The following MAN2B2 variants were observed in gnomAD, a reference collection of about 807,000 sequenced individuals.
MAN2B2 encodes epididymis-specific alpha-mannosidase.
In MAN2B2, 106 loss-of-function variants were observed where a neutral mutation model predicts 117.1. That is an observed-to-expected ratio of 0.90 (90% CI 0.77 to 1.06). MAN2B2 has a LOEUF of 1.06. MAN2B2 is among the 50% of genes least tolerant of loss of function. MAN2B2 has a pLI of 0.00. For synonymous variants in MAN2B2, 544 were observed against 595.1 expected, an observed-to-expected ratio of 0.91 and a Z score of 1.25; for missense variants, 1,326 against 1,381.4, an observed-to-expected ratio of 0.96 and a Z score of 0.64.
Position 6,587,151 on chromosome 4 carries a change from G to A in MAN2B2, c.547G>A (p.Ala183Thr). 1 of 1,613,282 alleles carries A rather than the reference G, an allele frequency of 6.2e-7. No homozygotes were observed. Among genetic ancestry groups the A allele is most frequent in the Non-Finnish European group, 8.5e-7 (1 of 1,179,790 alleles). ...GSRIDYDLKAAMQEARGLQFV... is the reference protein window; with the variant it reads ...GSRIDYDLKATMQEARGLQFV... The stretch of plus-strand genomic sequence containing the variant: ...CCGGATCGACTACGACCTGAAGGCA[G>A]CCATGCAGGAGGCCCGGGTGAGTGG... The change falls in exon 4 of 19, where the codon GCC (alanine) becomes ACC (threonine). Residue 183 changes from alanine (A) to threonine (T), a missense_variant. By Grantham distance (58) the Ala-to-Thr change is moderately conservative. Coordinates refer to ENST00000285599, the MANE Select transcript of MAN2B2 (RefSeq NM_015274.3).
chr4:6,577,314 T>C (rs1726104453), intron 2 of MAN2B2, among the ~76,000 whole-genome samples: 1 of 152,176 alleles, frequency 6.6e-6, no homozygotes, highest in Non-Finnish European at 1.5e-5. Context: ...AGAAAAGTCA[T>C]GCCAAGAATG....
At position 6,609,908 on chromosome 4, in the gene MAN2B2, C is replaced by T; in HGVS notation, c.2117C>T (p.Ala706Val). The change falls in exon 13 of 19, where the codon GCC becomes GTC. Residue 706 changes from alanine to valine, a missense_variant. By Grantham distance (64) the Ala-to-Val change is moderately conservative (BLOSUM62 0). Transcript: ENST00000285599. Reference sequence around the variant, plus strand: ...CACCGGATAGAGCAGGAGTACCAAGCCGGCCCCCTGGAGCTGAACCGTGAG... The same window carrying T: ...CACCGGATAGAGCAGGAGTACCAAGTCGGCCCCCTGGAGCTGAACCGTGAG... The part of the protein sequence containing the change: ...LCHRIEQEYQ[A>V]GPLELNREAV... 2.5e-6 allele frequency: 4 copies of T among 1,614,152 alleles called. No individual in the cohort carries two copies. The highest frequency in any genetic ancestry group is 2.5e-6 in the Non-Finnish European group (3 of 1,180,032).
In MAN2B2 at chr4:6,609,121, C is replaced by CG; in HGVS notation, c.1831dup (p.Val611GlyfsTer24). ...TGCCTCTGCAGACAGAGTAACCGAA[C>CG]GGTGCGCGTGACCCAGGAATTCCTG... On this transcript the variant is annotated frameshift_variant, in exon 12 of 19. Transcript: ENST00000285599. LOFTEE classifies it high-confidence loss of function. 3.1e-6 allele frequency: 5 copies of CG among 1,613,692 alleles called. No individual in the cohort carries two copies. Among genetic ancestry groups the CG allele is most frequent in the Non-Finnish European group, 4.2e-6 (5 of 1,179,784 alleles).
At chr4:6,599,807 T>C (rs1303151993) in intron 9 of MAN2B2, among the ~76,000 whole-genome samples, 1 of 152,208 alleles carries the variant, frequency 6.6e-6, no homozygotes, top group Admixed American at 6.5e-5. Flanking sequence ...TGTCTGTGTG[T>C]AATCCCATCC....
At chr4:6,586,053 G>GTTTTTTTTTTTT (rs759999292) in intron 3 of MAN2B2, among the ~76,000 whole-genome samples, 3 of 143,924 alleles carry the variant, frequency 2.1e-5, no homozygotes, top group African/African-American at 7.7e-5. Flanking sequence ...TTTTCTTGTG[G>GTTTTTTTTTTTT]TTTTTTTTTT....
chr4:6,592,028 C>T (rs558240125), intron 5 of MAN2B2, among the ~76,000 whole-genome samples: 1 of 152,318 alleles, frequency 6.6e-6, no homozygotes, highest in African/African-American at 2.4e-5. Context: ...GCGTTGGATT[C>T]AGGCCACCAG....
At chr4:6,617,981 G>A (rs896263059) in intron 17 of MAN2B2, 6 of 165,836 alleles carry the variant, frequency 3.6e-5, no homozygotes, top group African/African-American at 1.4e-4. Flanking sequence ...CCGAGTAGCT[G>A]GGATTACAGG....
intron 3 of MAN2B2, among the ~76,000 whole-genome samples, chr4:6,579,050 ATC>A: frequency 9.9e-6 from 1 of 101,094 alleles, no homozygotes; most frequent in Non-Finnish European, 1.9e-5. Flanking sequence ...CATCACCACC[ATC>A]ACCACCACCA....
rs1560632264 is a variant in MAN2B2 at position 6,576,615 on chromosome 4, CAGT to C, written c.177_179del (p.Val61del). The C allele has an allele frequency of 6.2e-7, 1 of 1,613,882 alleles. No homozygotes were observed. The highest frequency in any genetic ancestry group is 1.7e-5 in the Admixed American group (1 of 60,028). ...GCGTACGCCGCCAATGTCTACACCT[CAGT>C]GGTGGAAGAGCTGGCCCGCGGCCAG... On this transcript the variant is annotated inframe_deletion, in exon 2 of 19. Transcript: ENST00000285599.
In MAN2B2 at chr4:6,617,451, G is replaced by A. The variant is rs1286695263; in HGVS notation, c.2773G>A (p.Glu925Lys). ...GCTCTACCACCTATATGAAGTGGGCGAGGACCCAGTCCTGTCTCAGCCAGT... is the reference window on the plus strand; with the variant it reads ...GCTCTACCACCTATATGAAGTGGGCAAGGACCCAGTCCTGTCTCAGCCAGT... The part of the protein sequence containing the change: ...LRLYHLYEVG[E>K]DPVLSQPVTV... The change falls in exon 17 of 19, where the codon GAG becomes AAG. Residue 925 changes from glutamate to lysine, a missense_variant. Physicochemically the swap from Glu to Lys is moderately conservative, Grantham distance 56. Coordinates refer to ENST00000285599, the MANE Select transcript of MAN2B2 (RefSeq NM_015274.3). The A allele has an allele frequency of 1.3e-5, 21 of 1,614,004 alleles. No individual in the cohort carries two copies. The highest frequency in any genetic ancestry group is 6.7e-5 in the Admixed American group (4 of 59,996).
At chr4:6,579,242 ACCCTTCACCAC>A (rs1726280547) in intron 3 of MAN2B2, among the ~76,000 whole-genome samples, 1 of 15,122 alleles carries the variant, frequency 6.6e-5, no homozygotes, top group Non-Finnish European at 1.4e-4. Flanking sequence ...CACCACCACC[ACCCTTCACCAC>A]CATCACCACC....
At chr4:6,595,659 TCTC>T (rs1727049062) in intron 7 of MAN2B2, among the ~76,000 whole-genome samples, 1 of 152,210 alleles carries the variant, frequency 6.6e-6, no homozygotes, top group East Asian at 1.9e-4. Context: ...CATGGCCTAA[TCTC>T]CTCTTAAGCA....
In MAN2B2 at chr4:6,622,394, G is replaced by A. The variant is rs948371684; in HGVS notation, c.*1109G>A. 1 of 152,078 alleles carries A rather than the reference G, an allele frequency of 6.6e-6. No homozygotes were observed. The highest frequency in any genetic ancestry group is 2.4e-5 in the African/African-American group (1 of 41,410). 9.4% of individuals were successfully genotyped at this position (152,078 alleles called of 1,614,324 possible). A position where few individuals can be genotyped will look rare whatever the true frequency, so the allele number is the denominator to read the frequency against. ...TAGAAACCAATGAATTAAAAACTTTGGAAGATGAATTTTATGGTCTGTGAA... is the reference window on the plus strand; with the variant it reads ...TAGAAACCAATGAATTAAAAACTTTAGAAGATGAATTTTATGGTCTGTGAA... On this transcript the variant is annotated 3_prime_UTR_variant, in exon 19 of 19. Coordinates refer to ENST00000285599, the MANE Select transcript of MAN2B2 (RefSeq NM_015274.3).
chr4:6,614,726 C>T (rs1421128629), intron 16 of MAN2B2, among the ~76,000 whole-genome samples: 1 of 152,254 alleles, frequency 6.6e-6, no homozygotes, highest in African/African-American at 2.4e-5. Flanking sequence ...CAAATTCCCA[C>T]TCATCCTCCA....
Position 6,614,232 on chromosome 4 carries a change from C to T in MAN2B2, c.2578C>T (p.Leu860Phe), listed in dbSNP as rs917683462. 1.9e-6 allele frequency: 3 copies of T among 1,614,120 alleles called. No individual in the cohort carries two copies. Among genetic ancestry groups the T allele is most frequent in the East Asian group, 2.2e-5 (1 of 44,876 alleles). Reference sequence around the variant, plus strand: ...CTGCCTTGCAGGGACTGCGCCGAAGCTCCCAGGACCCCAGCAGCAAGAGGC... The same window carrying T: ...CTGCCTTGCAGGGACTGCGCCGAAGTTCCCAGGACCCCAGCAGCAAGAGGC... Reference protein sequence around the residue: ...FGDLAGTAPKLPGPQQQEAVT... With the variant: ...FGDLAGTAPKFPGPQQQEAVT... Residue 860 changes from leucine to phenylalanine, a missense_variant, in exon 16 of 19, where the codon CTC becomes TTC. Transcript: ENST00000285599.
At position 6,611,097 on chromosome 4, in the gene MAN2B2, C is replaced by CCGG; in HGVS notation, c.2387_2389dup (p.Arg796dup). On this transcript the variant is annotated inframe_insertion, in exon 15 of 19. Transcript: ENST00000285599. ...ATGCCTTCCCGCAGGTCATGCTCCACCGGCGGCTGTGGAACAACTTCGACT... is the reference window on the plus strand; with the variant it reads ...ATGCCTTCCCGCAGGTCATGCTCCACCGGCGGCGGCTGTGGAACAACTTCGACT... 1 of 1,613,236 alleles carries CCGG rather than the reference C, an allele frequency of 6.2e-7. No individual in the cohort carries two copies. Among genetic ancestry groups the CCGG allele is most frequent in the Non-Finnish European group, 8.5e-7 (1 of 1,179,508 alleles).
At chr4:6,614,506 G>A (rs1711762397) in intron 16 of MAN2B2, 151 bp downstream of exon 16, 5 of 991,542 alleles carry the variant, frequency 5.0e-6, no homozygotes, top group Admixed American at 2.8e-5. Context: ...GGAGAGTGAG[G>A]CCCAGGGAGA....
chr4:6,600,273 TCA>T (rs1199411296), intron 9 of MAN2B2, among the ~76,000 whole-genome samples: 1 of 152,176 alleles, frequency 6.6e-6, no homozygotes, highest in African/African-American at 2.4e-5. Context: ...AGAAGCTGGG[TCA>T]CCTTGGGCAA....
At chr4:6,580,081 T>C (rs928870062) in intron 3 of MAN2B2, among the ~76,000 whole-genome samples, 4 of 152,340 alleles carry the variant, frequency 2.6e-5, no homozygotes, top group African/African-American at 9.6e-5. Context: ...AGCAATGTTG[T>C]CAAAGGATGT....
Sources: gnomAD v4.1 joint callset for allele counts (sites outside exome capture counted in the v4.1 genomes callset) on GRCh38, gnomAD v4.1.1 for gene constraint, MANE v1.5 for transcripts, NCBI Gene and HGNC (gene_info 2026-07-23, HGNC 2026-07-21) for gene names.